TUNAR: variants seen among roughly 807,000 people sequenced by gnomAD.
TUNAR encodes transmembrane neural differentiation associated intracellular calcium regulator, also known as protein TUNAR.
intron 2 of TUNAR, among the ~76,000 whole-genome samples, chr14:95,919,021 G>A (rs899519598): frequency 5.3e-5 from 8 of 152,166 alleles, no homozygotes; most frequent in East Asian, 1.9e-4. Flanking sequence ...TTTCTAAGAC[G>A]ACGGATGATA....
intron 2 of TUNAR, among the ~76,000 whole-genome samples, chr14:95,891,983 A>G (rs944919686): frequency 2.0e-5 from 3 of 151,932 alleles, no homozygotes; most frequent in Non-Finnish European, 4.4e-5. Context: ...CAAATCCTCT[A>G]TTTTCCTCTT....
At position 95,895,170 on chromosome 14, in the gene TUNAR, C is replaced by A. The variant is rs1288045211; in HGVS notation, c.12+17993C>A. 6.6e-6 allele frequency among the ~76,000 whole-genome samples: 1 copy of A among 152,230 alleles called. No individual in the cohort carries two copies. Among genetic ancestry groups the A allele is most frequent in the Non-Finnish European group, 1.5e-5 (1 of 68,042 alleles). The stretch of plus-strand genomic sequence containing the variant: ...ACAAGGTGTCCCAGAGAGGGGACAT[C>A]TGAGCTGCATCTTAAAGGAAGAGTA... On this transcript the variant is annotated intron_variant, in intron 2 of 2. Coordinates refer to ENST00000678517, the Ensembl canonical transcript of TUNAR. This position sits in a 1 kb window ranked among gnomAD's most constrained non-coding sequence, Gnocchi z 4.5.
intron 2 of TUNAR, 117 bp from the exon 2 acceptor site, chr14:95,922,664 T>C (rs1373879629): frequency 5.1e-6 from 2 of 395,718 alleles, no homozygotes; most frequent in Non-Finnish European, 8.9e-6. Context: ...GTGGGATTTG[T>C]CATTCTCCCA....
intron 2 of TUNAR, among the ~76,000 whole-genome samples, chr14:95,894,602 A>G (rs1001431248): frequency 1.3e-5 from 2 of 152,162 alleles, no homozygotes; most frequent in Admixed American, 1.3e-4. Context: ...TCGATTGAGA[A>G]AGAAGATTTG....
At chr14:95,909,518 C>T (rs1037637459) in intron 2 of TUNAR, among the ~76,000 whole-genome samples, 1 of 152,116 alleles carries the variant, frequency 6.6e-6, no homozygotes, top group Non-Finnish European at 1.5e-5. Context: ...CTCCTGACCT[C>T]GTGATCCACC....
chr14:95,923,024 C>G (rs560724246), exon 3 of TUNAR: 1 of 398,736 alleles, frequency 2.5e-6, no homozygotes, highest in Non-Finnish European at 4.4e-6. Flanking sequence ...TCCTGCGTGT[C>G]GGCGCATCAC....
intron 2 of TUNAR, among the ~76,000 whole-genome samples, chr14:95,909,327 A>T (rs1056893028): frequency 3.1e-5 from 4 of 127,472 alleles, no homozygotes; most frequent in Admixed American, 8.8e-5. Flanking sequence ...TTTGTCACCC[A>T]GGCTGGGCTG....
At chr14:95,904,014 C>G (rs1035153289) in intron 2 of TUNAR, among the ~76,000 whole-genome samples, 15 of 152,348 alleles carry the variant, frequency 9.8e-5, no homozygotes, top group Middle Eastern at 3.4e-3. Context: ...TGCATGAGCT[C>G]TCACCCAAGG....
At chr14:95,904,033 C>G (rs1357351262) in intron 2 of TUNAR, among the ~76,000 whole-genome samples, 3 of 152,262 alleles carry the variant, frequency 2.0e-5, no homozygotes, top group African/African-American at 7.2e-5. Context: ...GGGGAGGGAA[C>G]ATGGACCCCT....
chr14:95,923,126 A>G, exon 3 of TUNAR: 1 of 394,986 alleles, frequency 2.5e-6, no homozygotes, highest in Non-Finnish European at 4.5e-6. Flanking sequence ...ACACAAATAG[A>G]CCGATCCTGC....
chr14:95,892,898 G>A (rs527541032), intron 2 of TUNAR, among the ~76,000 whole-genome samples: 34 of 152,304 alleles, frequency 2.2e-4, no homozygotes, highest in African/African-American at 6.5e-4. Flanking sequence ...GTTGAAGACA[G>A]CACCTCGATA....
chr14:95,924,326 G>C (rs945229621), exon 3 of TUNAR: 8 of 152,230 alleles, frequency 5.3e-5, no homozygotes, highest in African/African-American at 1.9e-4. Flanking sequence ...AAAGCCCCTG[G>C]TTTACACCCA....
At chr14:95,923,856 A>G (rs1485498220) in exon 3 of TUNAR, 1 of 152,106 alleles carries the variant, frequency 6.6e-6, no homozygotes, top group Non-Finnish European at 1.5e-5. Context: ...ATATAAAATG[A>G]TTGTGGGCAT....
intron 2 of TUNAR, among the ~76,000 whole-genome samples, chr14:95,919,793 G>A (rs1889661755): frequency 1.3e-5 from 2 of 152,146 alleles, no homozygotes; most frequent in Admixed American, 6.5e-5. Context: ...TAAGGAATGG[G>A]CAGATATGTG....
At chr14:95,891,506 GCA>G (rs1889180128) in intron 2 of TUNAR, among the ~76,000 whole-genome samples, 1 of 152,202 alleles carries the variant, frequency 6.6e-6, no homozygotes, top group Admixed American at 6.5e-5. Flanking sequence ...GCCCAAAATG[GCA>G]GATGAGGAAA....
At chr14:95,913,821 C>A (rs1203388117) in intron 2 of TUNAR, among the ~76,000 whole-genome samples, 1 of 152,220 alleles carries the variant, frequency 6.6e-6, no homozygotes, top group African/African-American at 2.4e-5. Context: ...CAACCTCCGC[C>A]TCCCAGGTTC....
At chr14:95,904,334 A>G (rs1163061593) in intron 2 of TUNAR, among the ~76,000 whole-genome samples, 1 of 152,170 alleles carries the variant, frequency 6.6e-6, no homozygotes, top group Non-Finnish European at 1.5e-5. Context: ...CAAGCAGTCA[A>G]CATGCAAGGC....
chr14:95,907,801 T>G (rs569035257), intron 2 of TUNAR, among the ~76,000 whole-genome samples: 9 of 152,220 alleles, frequency 5.9e-5, no homozygotes, highest in African/African-American at 1.2e-4. Flanking sequence ...AGAGGGTGAC[T>G]CCTCTTTGCA....
chr14:95,894,829 G>A (rs1365084075), intron 2 of TUNAR, among the ~76,000 whole-genome samples: 3 of 152,270 alleles, frequency 2.0e-5, no homozygotes, highest in Admixed American at 2.0e-4. Context: ...CACAGGGAAG[G>A]TGTAGATGCG....
Sources: allele counts gnomAD v4.1 joint callset (sites outside exome capture counted in the v4.1 genomes callset), GRCh38; gene constraint gnomAD v4.1.1; non-coding constraint Gnocchi (gnomAD v3.1); transcripts MANE v1.5; gene names NCBI Gene and HGNC (gene_info 2026-07-23, HGNC 2026-07-21).